The following TTI2 variants were observed in gnomAD, a reference collection of about 807,000 sequenced individuals.
TTI2 encodes the protein TELO2 interacting protein 2, also known as TELO2-interacting protein 2.
TTI2 carries 26 observed loss-of-function variants against 44.9 expected under a neutral mutation model. The ratio of observed to expected loss-of-function variants is 0.58; its 90% CI spans 0.42 to 0.80. The LOEUF is 0.80. TTI2 is among the 30% of genes least tolerant of loss of function. The probability of loss-of-function intolerance (pLI) is 0.00; values close to 1 mark genes in which losing one functional copy is unlikely to be tolerated. For synonymous variants in TTI2, 254 were observed against 250.9 expected, an observed-to-expected ratio of 1.01 and a Z score of -0.12; for missense variants, 582 against 611.6, an observed-to-expected ratio of 0.95 and a Z score of 0.51.
chr8:33,512,452 G>T lies in TTI2; in HGVS notation c.162C>A (p.Asp54Glu), dbSNP rs1184124173. ...CTGTGGCTTCTATTAGATCACCGAGGTCTTTAAGAACTGCATCTTTTACAT... is the reference window on the plus strand; with the variant it reads ...CTGTGGCTTCTATTAGATCACCGAGTTCTTTAAGAACTGCATCTTTTACAT... ...RGNVKDAVLKDLGDLIEATEF... is the reference protein window; with the variant it reads ...RGNVKDAVLKELGDLIEATEF... The change falls in exon 2 of 8, where the codon GAC becomes GAA. Residue 54 changes from aspartate (D) to glutamate (E), a missense_variant. Physicochemically the swap from Asp to Glu is conservative, Grantham distance 45 (BLOSUM62 2). Transcript: ENST00000431156. 6.2e-7 allele frequency: 1 copy of T among 1,614,090 alleles called. No individual in the cohort carries two copies. Among genetic ancestry groups the T allele is most frequent in the South Asian group, 1.1e-5 (1 of 91,090 alleles).
intron 6 of TTI2, among the ~76,000 whole-genome samples, chr8:33,501,948 T>A (rs1405176234): frequency 6.6e-6 from 1 of 152,146 alleles, no homozygotes; most frequent in Non-Finnish European, 1.5e-5. Flanking sequence ...TTTTATTATT[T>A]TTTTTTATAT....
intron 4 of TTI2, among the ~76,000 whole-genome samples, chr8:33,506,124 T>C (rs1465353593): frequency 6.6e-6 from 1 of 152,182 alleles, no homozygotes. Context: ...AATGCAGTCA[T>C]CATTCTGTAC....
chr8:33,504,305 T>C (rs1051074246), intron 4 of TTI2, among the ~76,000 whole-genome samples: 2 of 137,474 alleles, frequency 1.5e-5, no homozygotes, highest in African/African-American at 5.5e-5. Context: ...TTTTTTTTTT[T>C]TTTTTTTTTG....
In TTI2 at chr8:33,500,405, A is replaced by G; in HGVS notation, c.1345T>C (p.Ser449Pro). Residue 449 changes from serine (S) to proline (P), a missense_variant, in exon 7 of 8, where the codon TCT (serine) becomes CCT (proline). Coordinates refer to ENST00000431156, the MANE Select transcript of TTI2 (RefSeq NM_001102401.4). ...VARDPNLTPE[S>P]VKSALLQEAT... is the part of the protein sequence containing the mutation. ...TCCTGTAGCAGGGCGCTCTTAACAG[A>G]CTCAGGTGTAAGGTTTGGATCCCTT... 2 of 1,614,072 alleles carry G rather than the reference A, an allele frequency of 1.2e-6. No individual in the cohort carries two copies. Among genetic ancestry groups the G allele is most frequent in the Non-Finnish European group, 1.7e-6 (2 of 1,180,000 alleles).
intron 4 of TTI2, among the ~76,000 whole-genome samples, chr8:33,505,293 T>C (rs1809254795): frequency 6.6e-6 from 1 of 152,030 alleles, no homozygotes; most frequent in South Asian, 2.1e-4. Flanking sequence ...AAGTAAGGCA[T>C]AAAAAAGAAA....
intron 6 of TTI2, chr8:33,501,394 T>G (rs1372994941): frequency 6.6e-6 from 1 of 152,162 alleles, no homozygotes; most frequent in Non-Finnish European, 1.5e-5. Context: ...CTTCACCCCC[T>G]CATACGCATA....
rs752823917 is a variant in TTI2 at position 33,503,979 on chromosome 8, G to C, written c.928-44C>G. On this transcript the variant is annotated intron_variant, in intron 4 of 7. Coordinates refer to ENST00000431156, the MANE Select transcript of TTI2 (RefSeq NM_001102401.4). ...AGGACGGTGCATAGTTCATCCATTT[G>C]CATTTACAATACTCACTGACTTCTC... 3 of 1,593,086 alleles carry C rather than the reference G, an allele frequency of 1.9e-6. No homozygotes were observed. In the South Asian group the frequency reaches 3.3e-5, roughly 18 times the overall value.
chr8:33,510,502 G>A (rs1235667135), intron 2 of TTI2, among the ~76,000 whole-genome samples: 2 of 152,008 alleles, frequency 1.3e-5, no homozygotes, highest in African/African-American at 2.4e-5. Context: ...TCAGCCTCCC[G>A]AGTAGATGGG....
At chr8:33,502,479 G>A (rs1398728722) in intron 6 of TTI2, among the ~76,000 whole-genome samples, 1 of 151,416 alleles carries the variant, frequency 6.6e-6, no homozygotes, top group African/African-American at 2.4e-5. Context: ...TTCCTGTGGG[G>A]CATCAAAGAG....
At chr8:33,507,139 A>G in intron 4 of TTI2, 90 bp downstream of exon 4, 1 of 1,155,762 alleles carries the variant, frequency 8.7e-7, no homozygotes, top group Non-Finnish European at 1.3e-6. Flanking sequence ...AGGCAGGAAA[A>G]TGTCTCTCAA....
intron 4 of TTI2, among the ~76,000 whole-genome samples, chr8:33,504,221 T>G (rs2676421): frequency 0.55 from 82,750 of 150,218 alleles, 23,293 homozygotes; most frequent in Non-Finnish European, 0.61. Context: ...ATCCAGATTT[T>G]AGGAATCTAA....
intron 2 of TTI2, 46 bp from the exon 3 acceptor site, chr8:33,509,978 G>GCAAAAAAAAAAAAAAAAAAAAAAA: frequency 3.8e-6 from 1 of 265,308 alleles, no homozygotes; most frequent in African/African-American, 7.0e-5. Flanking sequence ...GTGATAAGTA[G>GCAAAAAAAAAAAAAAAAAAAAAAA]CAAAAAAAAA....
intron 4 of TTI2, among the ~76,000 whole-genome samples, chr8:33,504,522 G>A (rs544623816): frequency 7.0e-4 from 107 of 151,848 alleles, no homozygotes; most frequent in African/African-American, 2.5e-3. Context: ...TGATCCACTC[G>A]CCTTGGCTTC....
chr8:33,499,164 A>G lies in TTI2; in HGVS notation c.*9T>C. ...AAAATCCTTTCCTCTTGGGAAAGTA[A>G]TACAAGTCTTAAGTTCCATTGTAGG... is the stretch of plus-strand genomic sequence containing the variant. On this transcript the variant is annotated 3_prime_UTR_variant, in exon 8 of 8. Coordinates refer to ENST00000431156, the MANE Select transcript of TTI2 (RefSeq NM_001102401.4). The G allele has an allele frequency of 6.2e-7, 1 of 1,604,586 alleles. No homozygotes were observed. The highest frequency in any genetic ancestry group is 2.2e-5 in the East Asian group (1 of 44,820).
chr8:33,500,426 C>A lies in TTI2; in HGVS notation c.1324G>T (p.Asp442Tyr). The A allele has an allele frequency of 6.2e-7, 1 of 1,614,094 alleles. No homozygotes were observed. The highest frequency in any genetic ancestry group is 8.5e-7 in the Non-Finnish European group (1 of 1,180,016). ...ACAGACTCAGGTGTAAGGTTTGGAT[C>A]CCTTGCTACATCACAAATCAGTTTC... ...LLKLICDVAR[D>Y]PNLTPESVKS... Residue 442 changes from aspartate (D) to tyrosine (Y), a missense_variant, in exon 7 of 8, where the codon GAT (aspartate) becomes TAT (tyrosine). Transcript: ENST00000431156.
rs1563355267 is a variant in TTI2 at position 33,509,903 on chromosome 8, T to C, written c.677A>G (p.Lys226Arg). ...KESWKNNPAI[K>R]HVFSWTLQQV... ...TTGCAGAGTCCATGAGAAAACATGT[T>C]TGATGGCAGGGTTATTCTTCCAGGA... The change falls in exon 3 of 8, where the codon AAA becomes AGA. Residue 226 changes from lysine to arginine, a missense_variant. By Grantham distance (26) the Lys-to-Arg change is conservative (BLOSUM62 2). Coordinates refer to ENST00000431156, the MANE Select transcript of TTI2 (RefSeq NM_001102401.4). 3 of 1,613,770 alleles carry C rather than the reference T, an allele frequency of 1.9e-6. No individual in the cohort carries two copies. The highest frequency in any genetic ancestry group is 4.5e-5 in the East Asian group (2 of 44,860).
chr8:33,510,847 A>G (rs1244359838), intron 2 of TTI2, among the ~76,000 whole-genome samples: 1 of 152,166 alleles, frequency 6.6e-6, no homozygotes, highest in Non-Finnish European at 1.5e-5. Context: ...AGTGCTAACA[A>G]AGTAGCAAGT....
At chr8:33,501,752 C>A (rs979893464) in intron 6 of TTI2, among the ~76,000 whole-genome samples, 1 of 152,040 alleles carries the variant, frequency 6.6e-6, no homozygotes, top group Non-Finnish European at 1.5e-5. Context: ...TGAGAGAATA[C>A]GGTGCAGAAT....
At chr8:33,503,349 T>G in intron 6 of TTI2, 80 bp downstream of exon 6, 2 of 1,586,848 alleles carry the variant, frequency 1.3e-6, no homozygotes, top group East Asian at 4.5e-5. Flanking sequence ...TTTAATACTT[T>G]GTACTGAATG....
Sources: gnomAD v4.1 joint callset for allele counts (sites outside exome capture counted in the v4.1 genomes callset) on GRCh38, gnomAD v4.1.1 for gene constraint, MANE v1.5 for transcripts, NCBI Gene and HGNC (gene_info 2026-07-23, HGNC 2026-07-21) for gene names.